The following GRHL2 variants were observed in gnomAD, a reference collection of about 807,000 sequenced individuals.
GRHL2 encodes grainyhead-like protein 2 homolog.
In GRHL2, 21 loss-of-function variants were observed where a neutral mutation model predicts 83.8. The observed-to-expected ratio is 0.25, with a 90% CI of 0.18 to 0.36. GRHL2 has a LOEUF of 0.36. GRHL2 is among the 10% of genes least tolerant of loss of function. The pLI is 1.00. For missense variants in GRHL2, 623 were observed against 781.8 expected (o/e 0.80, Z 2.42); for synonymous variants, 280 against 278.9 (o/e 1.00, Z -0.04).
chr8:101,642,969 T>A (rs367895853), intron 12 of GRHL2, among the ~76,000 whole-genome samples: 1 of 152,308 alleles, frequency 6.6e-6, no homozygotes, highest in African/African-American at 2.4e-5. Context: ...TGGTCCGGGC[T>A]CCTACAGCAA....
At chr8:101,643,901 G>A (rs6988211) in intron 12 of GRHL2, among the ~76,000 whole-genome samples, 6 of 152,220 alleles carry the variant, frequency 3.9e-5, no homozygotes, top group African/African-American at 1.2e-4. Flanking sequence ...TCCATATTCC[G>A]CAGTGGGAAG....
At chr8:101,652,135 G>A (rs1316921472) in intron 14 of GRHL2, among the ~76,000 whole-genome samples, 3 of 152,078 alleles carry the variant, frequency 2.0e-5, no homozygotes, top group Non-Finnish European at 2.9e-5. Context: ...GGTAAGAAAG[G>A]GTTTCCTTTC....
chr8:101,534,913 T>C (rs1298265835), intron 1 of GRHL2, among the ~76,000 whole-genome samples: 1 of 152,170 alleles, frequency 6.6e-6, no homozygotes, highest in African/African-American at 2.4e-5. Flanking sequence ...CCCTATATTA[T>C]TTATCTTGCT....
intron 1 of GRHL2, among the ~76,000 whole-genome samples, chr8:101,500,083 ACAAC>A (rs1393902515): frequency 1.3e-5 from 2 of 152,144 alleles, no homozygotes; most frequent in South Asian, 2.1e-4. Context: ...TCAGAAAAAA[ACAAC>A]CAACCAACCA....
At chr8:101,622,690 A>G (rs919881865) in intron 9 of GRHL2, among the ~76,000 whole-genome samples, 90 of 152,120 alleles carry the variant, frequency 5.9e-4, no homozygotes, top group Non-Finnish European at 8.5e-4. Flanking sequence ...CTCTTTTTTA[A>G]AATTATTTTT....
chr8:101,598,465 C>T (rs1407946572), intron 7 of GRHL2, among the ~76,000 whole-genome samples: 7 of 151,806 alleles, frequency 4.6e-5, no homozygotes, highest in Non-Finnish European at 8.8e-5. Flanking sequence ...GTCTCAAGCT[C>T]CTGACCTCAG....
At chr8:101,568,200 T>A (rs1811753704) in intron 4 of GRHL2, among the ~76,000 whole-genome samples, 1 of 152,268 alleles carries the variant, frequency 6.6e-6, no homozygotes, top group East Asian at 1.9e-4. Context: ...TATTTCAGTC[T>A]AATCCACTTA....
At chr8:101,509,296 A>G (rs1258860368) in intron 1 of GRHL2, among the ~76,000 whole-genome samples, 1 of 145,470 alleles carries the variant, frequency 6.9e-6, no homozygotes, top group Non-Finnish European at 1.5e-5. Context: ...TCTAAATAGT[A>G]GGGCTATTTA....
Position 101,669,254 on chromosome 8 carries a change from C to CTTTTTTTTTTTTTTTTTTTTTTT in GRHL2, c.*2563_*2564insTTTTTTTTTTTTTTTTTTTTTTT, listed in dbSNP as rs71276995. On this transcript the variant is annotated 3_prime_UTR_variant, in exon 16 of 16. Transcript: ENST00000646743. ...GGACATGTGAAATGAGCATTTTTTT[C>CTTTTTTTTTTTTTTTTTTTTTTT]TTTTTTTTTTTTAACAAAGTCTGAA... 2.4e-5 allele frequency: 3 copies of CTTTTTTTTTTTTTTTTTTTTTTT among 126,628 alleles called. No homozygotes were observed. The highest frequency in any genetic ancestry group is 8.7e-5 in the Admixed American group (1 of 11,498). The allele number at this position is 126,628 out of a possible 1,614,324, so 7.8% of individuals were successfully genotyped here.
chr8:101,521,638 T>C (rs1385869282), intron 1 of GRHL2, among the ~76,000 whole-genome samples: 1 of 152,220 alleles, frequency 6.6e-6, no homozygotes, highest in Non-Finnish European at 1.5e-5. Flanking sequence ...AGTTAAGACC[T>C]GTCGAATGAA....
intron 1 of GRHL2, among the ~76,000 whole-genome samples, chr8:101,539,098 G>C (rs1811100985): frequency 6.6e-6 from 1 of 152,104 alleles, no homozygotes; most frequent in Non-Finnish European, 1.5e-5. Flanking sequence ...GGAAGATTTA[G>C]GGAAAAATCC....
chr8:101,631,660 T>G lies in GRHL2; in HGVS notation c.1281T>G (p.Asp427Glu). 17 of 1,613,672 alleles carry G rather than the reference T, an allele frequency of 1.1e-5. No homozygotes were observed. The highest frequency in any genetic ancestry group is 1.4e-5 in the Non-Finnish European group (17 of 1,179,732). The change falls in exon 10 of 16, where the codon GAT becomes GAG. Residue 427 changes from aspartate to glutamate, a missense_variant. By Grantham distance (45) the Asp-to-Glu change is conservative. Transcript: ENST00000646743. ...CDKGAERKIR[D>E]EERKQNRKKG... ...AGGGAGCAGAAAGAAAAATCCGAGA[T>G]GAAGAGCGGAAGCAGAACAGGAAGA...
the GRHL2 span, among the ~76,000 whole-genome samples, chr8:101,678,336 A>T: frequency 2.6e-5 from 4 of 152,132 alleles, no homozygotes; most frequent in Non-Finnish European, 5.9e-5. Context: ...GAACCTGGAA[A>T]ATCGGGTCAC....
chr8:101,492,623 A>AG lies in GRHL2; in HGVS notation c.-141dup, dbSNP rs1233921993. On this transcript the variant is annotated 5_prime_UTR_variant, in exon 1 of 16. Transcript: ENST00000646743. ...AGCGGGCGAGCGAGCGAGAGTGGTGAGGGGGGACGGAAAAGCAGAATTACC... is the reference window on the plus strand; with the variant it reads ...AGCGGGCGAGCGAGCGAGAGTGGTGAGGGGGGGACGGAAAAGCAGAATTACC... 3.3e-5 allele frequency: 25 copies of AG among 765,202 alleles called. No homozygotes were observed. The Admixed American group carries it at 3.6e-4, about 11-fold the overall frequency. The allele number at this position is 765,202 out of a possible 1,614,324, so 47.4% of individuals were successfully genotyped here.
intron 4 of GRHL2, among the ~76,000 whole-genome samples, chr8:101,565,381 T>G (rs1027302869): frequency 4.6e-5 from 7 of 152,184 alleles, no homozygotes; most frequent in Non-Finnish European, 1.0e-4. Flanking sequence ...TTTCTATAAG[T>G]CAGTTAACAA....
intron 7 of GRHL2, among the ~76,000 whole-genome samples, chr8:101,590,894 G>A (rs564101129): frequency 6.6e-6 from 1 of 152,218 alleles, no homozygotes; most frequent in South Asian, 2.1e-4. Context: ...CAGAAGAGAA[G>A]CAATCTTTAT....
intron 9 of GRHL2, among the ~76,000 whole-genome samples, chr8:101,631,198 C>G (rs1813179442): frequency 6.6e-6 from 1 of 152,090 alleles, no homozygotes; most frequent in Non-Finnish European, 1.5e-5. Context: ...AAAAGGAAAG[C>G]AAAGGAAACA....
At chr8:101,572,828 G>A (rs1811854037) in intron 5 of GRHL2, among the ~76,000 whole-genome samples, 1 of 152,086 alleles carries the variant, frequency 6.6e-6, no homozygotes, top group South Asian at 2.1e-4. Context: ...AAAATGTGAG[G>A]GACACTATTT....
At chr8:101,506,495 C>T (rs1810342812) in intron 1 of GRHL2, among the ~76,000 whole-genome samples, 1 of 152,170 alleles carries the variant, frequency 6.6e-6, no homozygotes, top group Non-Finnish European at 1.5e-5. Context: ...CCACTTAATA[C>T]TATACTATTG....
Sources: gnomAD v4.1 joint callset for allele counts (sites outside exome capture counted in the v4.1 genomes callset) on GRCh38, gnomAD v4.1.1 for gene constraint, MANE v1.5 for transcripts, NCBI Gene and HGNC (gene_info 2026-07-23, HGNC 2026-07-21) for gene names.